Variants in LRRC4C observed in about 807,000 individuals in gnomAD.
The protein encoded by LRRC4C is leucine-rich repeat-containing protein 4C.
Under a neutral mutation model 33.6 loss-of-function variants are expected in LRRC4C, and 5 were observed. That is an observed-to-expected ratio of 0.15 (90% confidence interval 0.08 to 0.31). The LOEUF (loss-of-function observed/expected upper bound fraction) is 0.31, where lower values mean the gene tolerates loss of function less well. LRRC4C is among the 10% of genes least tolerant of loss of function. The pLI, the probability that LRRC4C is intolerant of heterozygous loss-of-function variation, is 1.00. For synonymous variants in LRRC4C, 329 were observed against 302.0 expected, an observed-to-expected ratio of 1.09 and a Z score of -0.93; for missense variants, 560 against 796.7, an observed-to-expected ratio of 0.70 and a Z score of 3.58.
intron 3 of LRRC4C, among the ~76,000 whole-genome samples, chr11:40,553,651 T>C (rs1957216747): frequency 6.6e-6 from 1 of 152,346 alleles, no homozygotes; most frequent in Non-Finnish European, 1.5e-5. Context: ...CACAGAGCTT[T>C]AGATTTGCAT....
rs113363528 is a variant in LRRC4C at position 40,221,272 on chromosome 11, T to G, written c.-96+20247A>C. On this transcript the variant is annotated intron_variant, in intron 5 of 6. Transcript: ENST00000528697. Reference sequence around the variant, plus strand: ...TCAACTGTTTTTACTTTATTCTAAATGTCTTTGACTTGTAATGATTTGTAT... The same window carrying G: ...TCAACTGTTTTTACTTTATTCTAAAGGTCTTTGACTTGTAATGATTTGTAT... 5.3e-5 allele frequency among the ~76,000 whole-genome samples: 8 copies of G among 152,356 alleles called. 2 individuals carry two copies. Among genetic ancestry groups the G allele is most frequent in the African/African-American group, 1.9e-4 (8 of 41,590 alleles).
intron 3 of LRRC4C, among the ~76,000 whole-genome samples, chr11:40,431,624 C>T (rs1204871662): frequency 6.6e-6 from 1 of 151,904 alleles, no homozygotes; most frequent in African/African-American, 2.4e-5. Context: ...TATTAAACTC[C>T]CTGTTAAAAT....
At chr11:40,620,832 G>C (rs1202556784) in intron 3 of LRRC4C, among the ~76,000 whole-genome samples, 1 of 151,818 alleles carries the variant, frequency 6.6e-6, no homozygotes, top group East Asian at 1.9e-4. Context: ...GGTAGGGAAA[G>C]TACAATAATA....
chr11:40,415,670 T>C (rs977908778), intron 3 of LRRC4C, among the ~76,000 whole-genome samples: 1 of 152,200 alleles, frequency 6.6e-6, no homozygotes, highest in African/African-American at 2.4e-5. Context: ...TGTCTTATTT[T>C]TCTTGCTCAT....
chr11:40,269,966 C>T (rs1942565531), intron 4 of LRRC4C, among the ~76,000 whole-genome samples: 1 of 152,094 alleles, frequency 6.6e-6, no homozygotes. Context: ...TTACCTGAAA[C>T]ATATAAAACC....
intron 3 of LRRC4C, among the ~76,000 whole-genome samples, chr11:40,498,822 A>T (rs1954600739): frequency 1.3e-5 from 2 of 152,198 alleles, no homozygotes; most frequent in African/African-American, 4.8e-5. Flanking sequence ...ACAATGAGGT[A>T]TTTGGAACAT....
At chr11:41,216,833 A>C (rs1947083897) in intron 1 of LRRC4C, among the ~76,000 whole-genome samples, 1 of 152,234 alleles carries the variant, frequency 6.6e-6, no homozygotes, top group African/African-American at 2.4e-5. Flanking sequence ...GTGAATTCAA[A>C]AACTAAAAAT....
At chr11:41,430,281 G>C (rs139016032) in intron 1 of LRRC4C, among the ~76,000 whole-genome samples, 18 of 152,258 alleles carry the variant, frequency 1.2e-4, no homozygotes, top group African/African-American at 4.1e-4. Flanking sequence ...TGCATTGTAA[G>C]TGATTGGTAA....
At chr11:41,060,799 T>C (rs1312633514) in intron 1 of LRRC4C, among the ~76,000 whole-genome samples, 1 of 152,202 alleles carries the variant, frequency 6.6e-6, no homozygotes, top group Non-Finnish European at 1.5e-5. Flanking sequence ...CCCACTTAAA[T>C]CTTTAAGCCA....
chr11:41,170,853 C>T (rs1185341129), intron 1 of LRRC4C, among the ~76,000 whole-genome samples: 2 of 152,178 alleles, frequency 1.3e-5, no homozygotes, highest in Non-Finnish European at 2.9e-5. Context: ...GCAACCTACT[C>T]ATTGGACAAA....
intron 2 of LRRC4C, among the ~76,000 whole-genome samples, chr11:40,798,784 C>G (rs1950930377): frequency 6.6e-6 from 1 of 151,872 alleles, no homozygotes; most frequent in African/African-American, 2.4e-5. Flanking sequence ...GCTGGGATTA[C>G]AGGCACCTGC....
chr11:40,724,167 T>G (rs1947171284), intron 2 of LRRC4C, among the ~76,000 whole-genome samples: 1 of 152,158 alleles, frequency 6.6e-6, no homozygotes, highest in Non-Finnish European at 1.5e-5. Flanking sequence ...GTGATGTACT[T>G]CAAAACCCCA....
chr11:40,840,119 T>C (rs1243912526), intron 2 of LRRC4C, among the ~76,000 whole-genome samples: 3 of 152,166 alleles, frequency 2.0e-5, no homozygotes, highest in African/African-American at 7.2e-5. Flanking sequence ...ATCGACTACC[T>C]AAAGTGCAGA....
At chr11:41,443,697 C>T (rs1427354039) in intron 1 of LRRC4C, among the ~76,000 whole-genome samples, 1 of 151,668 alleles carries the variant, frequency 6.6e-6, no homozygotes, top group Admixed American at 6.6e-5. Flanking sequence ...CTCACTGCAA[C>T]ATCCGCCTAC....
intron 3 of LRRC4C, among the ~76,000 whole-genome samples, chr11:40,372,737 G>A (rs530896425): frequency 2.0e-5 from 3 of 152,238 alleles, no homozygotes; most frequent in Non-Finnish European, 4.4e-5. Context: ...ATCAGGAAGG[G>A]CAGTGAACTG....
intron 2 of LRRC4C, among the ~76,000 whole-genome samples, chr11:40,901,456 A>G (rs902584359): frequency 1.3e-5 from 2 of 152,084 alleles, no homozygotes; most frequent in Non-Finnish European, 2.9e-5. Context: ...AACATCTTTG[A>G]AGGCCATACA....
chr11:41,432,555 T>C (rs1590262062), intron 1 of LRRC4C, among the ~76,000 whole-genome samples: 2 of 151,948 alleles, frequency 1.3e-5, no homozygotes, highest in African/African-American at 2.4e-5. Flanking sequence ...AAAAAACAAG[T>C]GGTTTAGGGG....
intron 2 of LRRC4C, among the ~76,000 whole-genome samples, chr11:40,755,200 C>A (rs1948887802): frequency 6.6e-6 from 1 of 152,126 alleles, no homozygotes. Context: ...ACTACAACAA[C>A]TACTACTACT....
intron 1 of LRRC4C, among the ~76,000 whole-genome samples, chr11:41,064,693 G>A (rs1938078673): frequency 6.6e-6 from 1 of 152,162 alleles, no homozygotes; most frequent in Non-Finnish European, 1.5e-5. Context: ...TGCAGAAGGC[G>A]GGTGATTTCT....
Sources: allele counts gnomAD v4.1 joint callset (sites outside exome capture counted in the v4.1 genomes callset), GRCh38; gene constraint gnomAD v4.1.1; transcripts MANE v1.5; gene names NCBI Gene and HGNC (gene_info 2026-07-23, HGNC 2026-07-21).